Variants in ANK3 observed in about 807,000 individuals in gnomAD.
ANK3 encodes ankyrin 3, also known as ankyrin-3.
Under a neutral mutation model 370.9 loss-of-function variants are expected in ANK3, and 57 were observed. The observed-to-expected ratio is 0.15, with a 90% confidence interval of 0.12 to 0.19. ANK3 has a LOEUF of 0.19. Among genes scored for constraint, ANK3 ranks in the 10% least tolerant of loss-of-function variants. The pLI is 1.00. For synonymous variants in ANK3, 1,929 were observed against 1,946.3 expected (o/e 0.99, Z 0.23); for missense variants, 4,439 against 5,302.1 (o/e 0.84, Z 5.06).
At chr10:60,487,363 C>T (rs562902868) in intron 2 of ANK3, among the ~76,000 whole-genome samples, 3 of 152,178 alleles carry the variant, frequency 2.0e-5, no homozygotes, top group South Asian at 2.1e-4. Flanking sequence ...CAGGTAACCA[C>T]GTTGGCCCCA....
At chr10:60,567,670 G>A (rs886103207) in intron 2 of ANK3, among the ~76,000 whole-genome samples, 9 of 152,150 alleles carry the variant, frequency 5.9e-5, no homozygotes, top group Non-Finnish European at 1.0e-4. Flanking sequence ...GCCATAAGTA[G>A]TTGTTTGTCT....
At chr10:60,591,832 A>G (rs1002937162) in intron 2 of ANK3, among the ~76,000 whole-genome samples, 5 of 152,206 alleles carry the variant, frequency 3.3e-5, no homozygotes, top group African/African-American at 1.2e-4. Flanking sequence ...ACAGAAAGAC[A>G]AATATTACAT....
chr10:60,597,205 A>G (rs1391991495), intron 2 of ANK3, among the ~76,000 whole-genome samples: 1 of 152,140 alleles, frequency 6.6e-6, no homozygotes, highest in Admixed American at 6.5e-5. Context: ...ATGTCTATCA[A>G]TATTTAGCCA....
intron 2 of ANK3, among the ~76,000 whole-genome samples, chr10:60,550,172 A>C (rs1324435870): frequency 6.6e-6 from 1 of 151,936 alleles, no homozygotes; most frequent in Non-Finnish European, 1.5e-5. Context: ...ACATGATAAA[A>C]ATATGACATT....
At chr10:60,038,688 G>GGTGTGT (rs147947460) in intron 43 of ANK3, among the ~76,000 whole-genome samples, 3 of 151,580 alleles carry the variant, frequency 2.0e-5, no homozygotes, top group Non-Finnish European at 2.9e-5. Context: ...TCTGAATGAT[G>GGTGTGT]GTGTGTGTGT....
chr10:60,322,035 G>T (rs570232450), intron 1 of ANK3, among the ~76,000 whole-genome samples: 3 of 152,164 alleles, frequency 2.0e-5, no homozygotes, highest in Admixed American at 2.0e-4. Flanking sequence ...GCCCTATGGT[G>T]ATAAACCTTG....
intron 1 of ANK3, among the ~76,000 whole-genome samples, chr10:60,331,966 T>C (rs1374622250): frequency 6.6e-6 from 1 of 150,718 alleles, no homozygotes; most frequent in African/African-American, 2.4e-5. Context: ...CTTTTTTTCT[T>C]TTTTTTTTAA....
chr10:60,273,881 G>T (rs1446172474), intron 4 of ANK3, among the ~76,000 whole-genome samples: 1 of 152,182 alleles, frequency 6.6e-6, no homozygotes. Context: ...CTTCCACCAT[G>T]ATTGTGAGGC....
chr10:60,096,048 C>A (rs961293882), intron 28 of ANK3, among the ~76,000 whole-genome samples: 2 of 152,016 alleles, frequency 1.3e-5, no homozygotes, highest in Admixed American at 1.3e-4. Context: ...TCGGTAGGTG[C>A]CTGTAATCCC....
intron 28 of ANK3, among the ~76,000 whole-genome samples, chr10:60,095,558 T>C (rs2089936649): frequency 6.6e-6 from 1 of 152,134 alleles, no homozygotes; most frequent in Admixed American, 6.5e-5. Flanking sequence ...TTTCTAAACT[T>C]TTTTTGTAGA....
At chr10:60,517,754 GA>G (rs962053027) in intron 2 of ANK3, among the ~76,000 whole-genome samples, 2 of 135,476 alleles carry the variant, frequency 1.5e-5, no homozygotes, top group African/African-American at 2.6e-5. Flanking sequence ...AAAAAAGAGA[GA>G]AAGAGAGAGA....
intron 25 of ANK3, among the ~76,000 whole-genome samples, chr10:60,133,288 A>T (rs1283488345): frequency 6.6e-6 from 1 of 152,236 alleles, no homozygotes; most frequent in Non-Finnish European, 1.5e-5. Context: ...AGATAGTTTC[A>T]TCTGTCATTA....
In ANK3 at chr10:60,070,860, C is replaced by A; in HGVS notation, c.10021G>T (p.Asp3341Tyr). The part of the protein sequence containing the change: ...KYTFKLKEVD[D>Y]EQKEKPKASA... Reference sequence around the variant, plus strand: ...GCTTTGGGTTTTTCTTTTTGTTCATCGTCCACTTCCTTTAATTTGAAGGTA... The same window carrying A: ...GCTTTGGGTTTTTCTTTTTGTTCATAGTCCACTTCCTTTAATTTGAAGGTA... Residue 3341 changes from aspartate to tyrosine, a missense_variant, in exon 37 of 44, where the codon GAT (aspartate) becomes TAT (tyrosine). Transcript: ENST00000280772. This position sits in a 1 kb window ranked among gnomAD's most constrained non-coding sequence, Gnocchi z 5.7. 1 of 1,614,038 alleles carries A rather than the reference C, an allele frequency of 6.2e-7. No individual in the cohort carries two copies. The highest frequency in any genetic ancestry group is 8.5e-7 in the Non-Finnish European group (1 of 1,180,008).
At chr10:60,211,341 A>T (rs983110853) in intron 9 of ANK3, among the ~76,000 whole-genome samples, 1 of 152,056 alleles carries the variant, frequency 6.6e-6, no homozygotes, top group Admixed American at 6.6e-5. Flanking sequence ...CTGGACCAAG[A>T]ATAGGTGATC....
At chr10:60,148,889 T>G (rs1314699014) in intron 23 of ANK3, among the ~76,000 whole-genome samples, 1 of 152,224 alleles carries the variant, frequency 6.6e-6, no homozygotes, top group African/African-American at 2.4e-5. Flanking sequence ...CTATTCATTC[T>G]TCCTTAGCTA....
chr10:60,603,045 T>C (rs2078085487), intron 2 of ANK3, among the ~76,000 whole-genome samples: 1 of 152,138 alleles, frequency 6.6e-6, no homozygotes, highest in Admixed American at 6.6e-5. Flanking sequence ...GCTCCACTCG[T>C]CTTGAAACAA....
intron 1 of ANK3, among the ~76,000 whole-genome samples, chr10:60,349,788 A>G (rs1428941988): frequency 3.9e-5 from 6 of 152,216 alleles, no homozygotes; most frequent in African/African-American, 1.4e-4. Flanking sequence ...AATAGGCACA[A>G]ATATTCATGG....
intron 2 of ANK3, among the ~76,000 whole-genome samples, chr10:60,603,185 T>C (rs1201806956): frequency 2.0e-5 from 3 of 151,826 alleles, no homozygotes; most frequent in African/African-American, 4.8e-5. Context: ...TCAAAAGGAG[T>C]TTGGAAACTA....
chr10:60,179,187 G>T (rs2096069572), intron 18 of ANK3, among the ~76,000 whole-genome samples: 2 of 152,166 alleles, frequency 1.3e-5, no homozygotes, highest in African/African-American at 2.4e-5. Context: ...AGCAGCAAAT[G>T]CAAGCAACCC....
Sources: allele counts gnomAD v4.1 joint callset (sites outside exome capture counted in the v4.1 genomes callset), GRCh38; gene constraint gnomAD v4.1.1; non-coding constraint Gnocchi (gnomAD v3.1); transcripts MANE v1.5; gene names NCBI Gene and HGNC (gene_info 2026-07-23, HGNC 2026-07-21).